The following PREX2 variants were observed in gnomAD, a reference collection of about 807,000 sequenced individuals.
PREX2 encodes the protein phosphatidylinositol 3,4,5-trisphosphate-dependent Rac exchanger 2 protein.
PREX2 carries 107 observed loss-of-function variants against 203.2 expected under a neutral mutation model. That is an observed-to-expected ratio of 0.53 (90% CI 0.45 to 0.62). PREX2 has a LOEUF of 0.62. Among genes scored for constraint, PREX2 ranks in the 20% least tolerant of loss-of-function variants. The pLI is 0.00. For missense variants in PREX2, 1,777 were observed against 1,955.9 expected (o/e 0.91, Z 1.72); for synonymous variants, 672 against 663.6 (o/e 1.01, Z -0.19).
chr8:68,059,682 C>T (rs10099343), intron 10 of PREX2, among the ~76,000 whole-genome samples: 45,115 of 151,958 alleles, frequency 0.3, 6,865 homozygotes, highest in Admixed American at 0.32. Context: ...TAGGGTTTCA[C>T]GACCCCAAAA....
chr8:68,061,750 G>A (rs1808862877), intron 11 of PREX2, among the ~76,000 whole-genome samples: 1 of 152,182 alleles, frequency 6.6e-6, no homozygotes, highest in Admixed American at 6.5e-5. Flanking sequence ...AGCCAGTGGG[G>A]AGTGGCCAGC....
intron 1 of PREX2, among the ~76,000 whole-genome samples, chr8:67,998,326 G>T (rs1014650056): frequency 6.6e-6 from 1 of 152,198 alleles, no homozygotes; most frequent in Non-Finnish European, 1.5e-5. Context: ...GGAAAGTTCT[G>T]TGTGCCCCAT....
At chr8:68,143,558 T>C (rs1176763922) in intron 33 of PREX2, among the ~76,000 whole-genome samples, 2 of 121,904 alleles carry the variant, frequency 1.6e-5, no homozygotes, top group Non-Finnish European at 3.4e-5. Flanking sequence ...TTTCTTATTG[T>C]TGAGTTTGAA....
At chr8:68,044,195 C>T (rs1315718024) in intron 7 of PREX2, among the ~76,000 whole-genome samples, 2 of 151,960 alleles carry the variant, frequency 1.3e-5, no homozygotes, top group Non-Finnish European at 2.9e-5. Context: ...GATTGGGCAC[C>T]GCTAATGTCT....
At chr8:68,135,342 T>C (rs994860316) in intron 32 of PREX2, among the ~76,000 whole-genome samples, 1 of 152,032 alleles carries the variant, frequency 6.6e-6, no homozygotes, top group South Asian at 2.1e-4. Flanking sequence ...ATTTGATGAG[T>C]GACATATGCA....
rs186818234 is a variant in PREX2, at chr8:68,021,363, G to A, written c.337-673G>A. On this transcript the variant is annotated intron_variant, in intron 3 of 39. Coordinates refer to ENST00000288368, the MANE Select transcript of PREX2 (RefSeq NM_024870.4). ...CATAACGCTGTTTGAAAGTATTCAT[G>A]ATTTCCTGACTTTTCTATACCTACA... is the stretch of plus-strand genomic sequence containing the variant. Among the ~76,000 whole-genome samples the A allele has an allele frequency of 1.1e-4, 16 of 152,278 alleles. No individual in the cohort carries two copies. The East Asian group carries it at 3.1e-3, about 29-fold the overall frequency.
At chr8:68,101,583 C>T (rs10097733) in intron 23 of PREX2, among the ~76,000 whole-genome samples, 38,460 of 152,016 alleles carry the variant, frequency 0.25, 4,907 homozygotes, top group South Asian at 0.32. Flanking sequence ...AAAACATGAC[C>T]GTGCTTTGAA....
At chr8:68,048,658 GATA>G (rs2129611004) in intron 8 of PREX2, among the ~76,000 whole-genome samples, 1 of 152,018 alleles carries the variant, frequency 6.6e-6, no homozygotes, top group Non-Finnish European at 1.5e-5. Context: ...AAAAACAGTA[GATA>G]ATAATGTCAT....
intron 33 of PREX2, among the ~76,000 whole-genome samples, chr8:68,140,521 G>A (rs1811206464): frequency 6.6e-6 from 1 of 152,204 alleles, no homozygotes; most frequent in Non-Finnish European, 1.5e-5. Flanking sequence ...TTACTTAGAT[G>A]TGGAGAAGTC....
chr8:68,023,699 G>A (rs1371577743), intron 4 of PREX2, among the ~76,000 whole-genome samples: 1 of 151,926 alleles, frequency 6.6e-6, no homozygotes, highest in Non-Finnish European at 1.5e-5. Flanking sequence ...TTCAGGTCTT[G>A]TACTTACTTT....
chr8:68,017,748 C>A, intron 1 of PREX2, 98 bp from the exon 2 acceptor site: 1 of 948,764 alleles, frequency 1.1e-6, no homozygotes, highest in Non-Finnish European at 1.6e-6. Context: ...GAGTTTTACA[C>A]TTTGGTTTGT....
chr8:68,158,581 A>AT (rs1364119449), intron 35 of PREX2, among the ~76,000 whole-genome samples: 1 of 152,144 alleles, frequency 6.6e-6, no homozygotes, highest in Non-Finnish European at 1.5e-5. Context: ...TTGGCTATGC[A>AT]TTGTTAAGCT....
At chr8:68,207,857 A>AT (rs1812666971) in intron 37 of PREX2, among the ~76,000 whole-genome samples, 6 of 152,120 alleles carry the variant, frequency 3.9e-5, no homozygotes, top group African/African-American at 1.4e-4. Flanking sequence ...AGTATGAAAC[A>AT]GTGGGGTAAG....
intron 31 of PREX2, among the ~76,000 whole-genome samples, chr8:68,128,627 T>A (rs948061064): frequency 6.6e-6 from 1 of 152,182 alleles, no homozygotes; most frequent in African/African-American, 2.4e-5. Flanking sequence ...TCATCATCTA[T>A]GAGGCTAGCC....
intron 37 of PREX2, among the ~76,000 whole-genome samples, chr8:68,198,905 G>T (rs1313360343): frequency 2.6e-5 from 4 of 152,196 alleles, no homozygotes; most frequent in Non-Finnish European, 5.9e-5. Context: ...CTGGCCATGT[G>T]GGAAGGTGGG....
intron 37 of PREX2, among the ~76,000 whole-genome samples, chr8:68,196,807 T>C (rs1311077630): frequency 3.3e-5 from 5 of 151,938 alleles, no homozygotes; most frequent in Admixed American, 3.3e-4. Context: ...TGATTGTAAG[T>C]TTCCTGAGGC....
At position 68,099,784 on chromosome 8, in the gene PREX2, A is replaced by G; in HGVS notation, c.2656A>G (p.Ser886Gly). 6.2e-7 allele frequency: 1 copy of G among 1,613,622 alleles called. No individual in the cohort carries two copies. The highest frequency in any genetic ancestry group is 8.5e-7 in the Non-Finnish European group (1 of 1,179,562). Reference sequence around the variant, plus strand: ...TCCTACTGACCTTCAGAGTAAATTCAGTGCCCTTTGCAGTGAAAGAATTGA... The same window carrying G: ...TCCTACTGACCTTCAGAGTAAATTCGGTGCCCTTTGCAGTGAAAGAATTGA... Reference protein sequence around the residue: ...VIPTDLQSKFSALCSERIEHL... With the variant: ...VIPTDLQSKFGALCSERIEHL... The change falls in exon 23 of 40, where the codon AGT becomes GGT. Residue 886 changes from serine (S) to glycine (G), a missense_variant. Ser to Gly is a moderately conservative substitution (Grantham distance 56). Coordinates refer to ENST00000288368, the MANE Select transcript of PREX2 (RefSeq NM_024870.4).
At position 68,233,398 on chromosome 8, in the gene PREX2, G is replaced by C; in HGVS notation, c.*2020G>C. On this transcript the variant is annotated 3_prime_UTR_variant, in exon 40 of 40. Coordinates refer to ENST00000288368, the MANE Select transcript of PREX2 (RefSeq NM_024870.4). ...GGGGCAAATTATCAGCTATATTGTG[G>C]TATTTATAAGCTAACATATTTTATA... 6.6e-6 allele frequency: 1 copy of C among 152,028 alleles called. No individual in the cohort carries two copies. Among genetic ancestry groups the C allele is most frequent in the East Asian group, 1.9e-4 (1 of 5,192 alleles). 9.4% of individuals were successfully genotyped at this position (152,028 alleles called of 1,614,324 possible). A position where few individuals can be genotyped will look rare whatever the true frequency, so the allele number is the denominator to read the frequency against.
rs578141344 is a variant in PREX2, at chr8:67,952,649, G to T, written c.141+114G>T. On this transcript the variant is annotated intron_variant, in intron 1 of 39. Transcript: ENST00000288368. ...CTGTGCGGGGACCCGGGACGGGTCGGGGCATCACAGGCGCGGGAATCCACG... is the reference window on the plus strand; with the variant it reads ...CTGTGCGGGGACCCGGGACGGGTCGTGGCATCACAGGCGCGGGAATCCACG... 6 of 1,411,796 alleles carry T rather than the reference G, an allele frequency of 4.2e-6. No individual in the cohort carries two copies. In the Admixed American group the frequency reaches 1.2e-4, roughly 28 times the overall value. 87.5% of individuals were successfully genotyped at this position (1,411,796 alleles called of 1,614,324 possible). A position where few individuals can be genotyped will look rare whatever the true frequency, so the allele number is the denominator to read the frequency against.
Sources: gnomAD v4.1 joint callset for allele counts (sites outside exome capture counted in the v4.1 genomes callset) on GRCh38, gnomAD v4.1.1 for gene constraint, MANE v1.5 for transcripts, NCBI Gene and HGNC (gene_info 2026-07-23, HGNC 2026-07-21) for gene names.